LRRTM4: variants seen among roughly 807,000 people sequenced by gnomAD.
LRRTM4 encodes leucine-rich repeat transmembrane neuronal protein 4.
A neutral mutation model predicts 47.6 loss-of-function variants in LRRTM4; 25 were observed. That is an observed-to-expected ratio of 0.53 (90% confidence interval 0.38 to 0.73). The LOEUF is 0.73. Ranked by LOEUF, LRRTM4 falls within the 30% of genes least tolerant of loss-of-function variation. The pLI is 0.00. For synonymous variants in LRRTM4, 311 were observed against 269.5 expected (o/e 1.15, Z -1.51); for missense variants, 638 against 713.4 (o/e 0.89, Z 1.20).
chr2:76,775,810 GGTTA>G (rs973323358), intron 3 of LRRTM4, among the ~76,000 whole-genome samples: 2 of 151,794 alleles, frequency 1.3e-5, no homozygotes, highest in Non-Finnish European at 2.9e-5. Context: ...ATATTGTGCA[GGTTA>G]GTTACATATG....
Position 77,384,463 on chromosome 2 carries a change from C to T in LRRTM4, c.1551+133855G>A, listed in dbSNP as rs543157331. On this transcript the variant is annotated intron_variant, in intron 3 of 3. Coordinates refer to ENST00000409884, the MANE Select transcript of LRRTM4 (RefSeq NM_001134745.3). ...TGTGTTTTGTACAATGTCTAACATA[C>T]ATTAAACTCTTAATAATTACTTATC... is the stretch of plus-strand genomic sequence containing the variant. Among the ~76,000 whole-genome samples, 5 of 151,804 alleles carry T rather than the reference C, an allele frequency of 3.3e-5. No individual in the cohort carries two copies. In the South Asian group the frequency reaches 1.0e-3, roughly 32 times the overall value.
At position 77,336,082 on chromosome 2, in the gene LRRTM4, AT is replaced by A. The variant is rs368268741; in HGVS notation, c.1551+182235del. 5.0e-4 allele frequency among the ~76,000 whole-genome samples: 75 copies of A among 150,566 alleles called. 1 individual carries two copies. In the South Asian group the frequency reaches 0.016, roughly 32 times the overall value. On this transcript the variant is annotated intron_variant, in intron 3 of 3. Transcript: ENST00000409884. ...GTTTTACTTATTCTTGCATGAAATT[AT>A]TTTGGAAGGAAGGAAGGAAGGAAAG...
At chr2:77,247,490 A>G (rs770427062) in intron 3 of LRRTM4, among the ~76,000 whole-genome samples, 1 of 152,136 alleles carries the variant, frequency 6.6e-6, no homozygotes, top group Non-Finnish European at 1.5e-5. Flanking sequence ...TTTAGAAATA[A>G]TAGGCCTATT....
chr2:76,767,925 C>A (rs1312066542), intron 3 of LRRTM4, among the ~76,000 whole-genome samples: 1 of 152,056 alleles, frequency 6.6e-6, no homozygotes, highest in Non-Finnish European at 1.5e-5. Context: ...ATTAATTAAG[C>A]CTATTCCTGG....
chr2:76,763,598 G>A (rs1384161055), intron 3 of LRRTM4, among the ~76,000 whole-genome samples: 2 of 152,178 alleles, frequency 1.3e-5, no homozygotes, highest in African/African-American at 2.4e-5. Context: ...GAGTTAGGAC[G>A]ATCCAAACAT....
At chr2:77,198,709 A>G (rs1436591325) in intron 3 of LRRTM4, among the ~76,000 whole-genome samples, 2 of 152,110 alleles carry the variant, frequency 1.3e-5, no homozygotes, top group East Asian at 1.9e-4. Flanking sequence ...AATCACTGAC[A>G]TTTTCCAAGC....
intron 3 of LRRTM4, among the ~76,000 whole-genome samples, chr2:76,947,415 T>C (rs1012715828): frequency 6.6e-6 from 1 of 151,846 alleles, no homozygotes; most frequent in African/African-American, 2.4e-5. Flanking sequence ...CAGGTTCTTA[T>C]GAGGAATAGT....
At chr2:76,792,427 C>CAAAACACTCTGCTGGGAA (rs1675026044) in intron 3 of LRRTM4, among the ~76,000 whole-genome samples, 1 of 152,058 alleles carries the variant, frequency 6.6e-6, no homozygotes, top group African/African-American at 2.4e-5. Flanking sequence ...ATCTTTCATG[C>CAAAACACTCTGCTGGGAA]AAAACACTCT....
rs559698730 is a variant in LRRTM4, at chr2:77,367,356, A to G, written c.1551+150962T>C. On this transcript the variant is annotated intron_variant, in intron 3 of 3. Coordinates refer to ENST00000409884, the MANE Select transcript of LRRTM4 (RefSeq NM_001134745.3). ...AGGCTGTCAATTTTTTTTCATGATT[A>G]CAACACCAGCTATTATCTAAAATGA... 4.0e-5 allele frequency among the ~76,000 whole-genome samples: 6 copies of G among 151,800 alleles called. No individual in the cohort carries two copies. The South Asian group carries it at 1.2e-3, about 32-fold the overall frequency.
chr2:76,947,351 A>G (rs1239887556), intron 3 of LRRTM4, among the ~76,000 whole-genome samples: 2 of 151,882 alleles, frequency 1.3e-5, no homozygotes, highest in Non-Finnish European at 2.9e-5. Flanking sequence ...GATAGGCTGC[A>G]TAACTTCTCT....
chr2:76,778,338 C>T (rs1359883853), intron 3 of LRRTM4, among the ~76,000 whole-genome samples: 1 of 140,824 alleles, frequency 7.1e-6, no homozygotes, highest in Non-Finnish European at 1.5e-5. Flanking sequence ...AGGAATGGTA[C>T]CAGTTCCTCC....
chr2:77,432,141 C>A (rs369757820), intron 3 of LRRTM4, among the ~76,000 whole-genome samples: 147 of 152,260 alleles, frequency 9.7e-4, no homozygotes, highest in African/African-American at 3.4e-3. Flanking sequence ...CCCAACAGGG[C>A]AGACAACATT....
intron 3 of LRRTM4, chr2:77,517,456 T>C (rs1679253891): frequency 1.0e-6 from 1 of 985,040 alleles, no homozygotes; most frequent in South Asian, 4.7e-5. Context: ...GTCCCTGTTA[T>C]GACTGCCATT....
At chr2:77,282,725 C>T (rs753815787) in intron 3 of LRRTM4, among the ~76,000 whole-genome samples, 12 of 151,688 alleles carry the variant, frequency 7.9e-5, no homozygotes, top group Non-Finnish European at 1.5e-4. Context: ...ACAAAGTCAA[C>T]AAAAATAAGC....
intron 3 of LRRTM4, among the ~76,000 whole-genome samples, chr2:76,798,149 T>C (rs940669276): frequency 5.3e-5 from 8 of 152,064 alleles, no homozygotes; most frequent in East Asian, 1.9e-4. Context: ...CAATATACAT[T>C]TTTTTCAGCA....
At position 77,135,161 on chromosome 2, in the gene LRRTM4, C is replaced by T. The variant is rs1162661994; in HGVS notation, c.1551+383157G>A. On this transcript the variant is annotated intron_variant, in intron 3 of 3. Transcript: ENST00000409884. ...TCAGATCAGCATCCTTCCAACTCCA[C>T]AGAATCAGTTCCTTCGCAGGAAATG... Among the ~76,000 whole-genome samples the T allele has an allele frequency of 2.0e-5, 3 of 152,178 alleles. No homozygotes were observed. In the East Asian group the frequency reaches 5.8e-4, roughly 29 times the overall value.
chr2:77,038,003 T>C (rs990878230), intron 3 of LRRTM4, among the ~76,000 whole-genome samples: 5 of 151,622 alleles, frequency 3.3e-5, no homozygotes, highest in South Asian at 2.1e-4. Flanking sequence ...ACACAGAGCC[T>C]TGTGTTCCTT....
intron 3 of LRRTM4, among the ~76,000 whole-genome samples, chr2:77,264,552 A>G (rs925878482): frequency 1.3e-5 from 2 of 152,112 alleles, no homozygotes; most frequent in African/African-American, 4.8e-5. Context: ...AAAGTAAAGA[A>G]ATCCAAGACA....
chr2:77,294,931 T>C (rs1327573280), intron 3 of LRRTM4, among the ~76,000 whole-genome samples: 1 of 152,168 alleles, frequency 6.6e-6, no homozygotes, highest in Non-Finnish European at 1.5e-5. Flanking sequence ...ATTTTTTCTG[T>C]ATTTAACTCA....
Sources: gnomAD v4.1 joint callset for allele counts (sites outside exome capture counted in the v4.1 genomes callset) on GRCh38, gnomAD v4.1.1 for gene constraint, MANE v1.5 for transcripts, NCBI Gene and HGNC (gene_info 2026-07-23, HGNC 2026-07-21) for gene names.